Variants in PHACTR1 observed in about 807,000 individuals in gnomAD.
PHACTR1 encodes the protein RPEL repeat containing 1.
In PHACTR1, 16 loss-of-function variants were observed where a neutral mutation model predicts 69.2. The ratio of observed to expected loss-of-function variants is 0.23; its 90% CI spans 0.16 to 0.35. PHACTR1 has a LOEUF of 0.35. Among genes scored for constraint, PHACTR1 ranks in the 10% least tolerant of loss-of-function variants. PHACTR1 has a pLI of 1.00. For missense variants in PHACTR1, 510 were observed against 734.7 expected (o/e 0.69, Z 3.54); for synonymous variants, 312 against 284.5 (o/e 1.10, Z -0.97).
chr6:13,286,313 G>C (rs1044479151), intron 14 of PHACTR1, 91 bp downstream of exon 14: 20 of 1,076,930 alleles, frequency 1.9e-5, no homozygotes, highest in Non-Finnish European at 2.0e-5. Flanking sequence ...GGACATGAGT[G>C]GGTTGGAGGG....
intron 4 of PHACTR1, among the ~76,000 whole-genome samples, chr6:12,817,402 A>G (rs1421014153): frequency 6.6e-6 from 1 of 152,210 alleles, no homozygotes; most frequent in Admixed American, 6.5e-5. Flanking sequence ...GGCTTGGGAA[A>G]CCATAAGTTA....
At chr6:13,085,372 A>G (rs1007419974) in intron 5 of PHACTR1, among the ~76,000 whole-genome samples, 1 of 152,112 alleles carries the variant, frequency 6.6e-6, no homozygotes, top group African/African-American at 2.4e-5. Context: ...TGTTTATAAA[A>G]CATACTTTAA....
chr6:12,939,975 A>G (rs996271437), intron 4 of PHACTR1, among the ~76,000 whole-genome samples: 1 of 152,250 alleles, frequency 6.6e-6, no homozygotes, highest in African/African-American at 2.4e-5. Context: ...ACCCAGAGTA[A>G]CACCTTGCCA....
chr6:12,777,321 G>T (rs1197103820), intron 4 of PHACTR1, among the ~76,000 whole-genome samples: 11 of 151,494 alleles, frequency 7.3e-5, no homozygotes, highest in East Asian at 1.9e-4. Flanking sequence ...CAGGGGTTTG[G>T]TGTACAGATT....
At chr6:13,109,486 TAAG>T (rs1561842362) in intron 5 of PHACTR1, among the ~76,000 whole-genome samples, 3 of 152,150 alleles carry the variant, frequency 2.0e-5, no homozygotes, top group African/African-American at 7.2e-5. Context: ...TTATTTCTAA[TAAG>T]AAGTCAAAGA....
At chr6:13,032,803 C>T (rs1802652152) in intron 4 of PHACTR1, among the ~76,000 whole-genome samples, 1 of 152,038 alleles carries the variant, frequency 6.6e-6, no homozygotes, top group Non-Finnish European at 1.5e-5. Flanking sequence ...GAGACAGGGT[C>T]TCACCATGTT....
chr6:13,227,858 T>G lies in PHACTR1; in HGVS notation c.1029T>G (p.Ser343=). The change falls in exon 9 of 15, where the codon TCT becomes TCG. Residue 343 remains serine (S), a synonymous_variant. Transcript: ENST00000332995. ...RVPCSTSYHS[S]GLHSGDGVTK... Reference sequence around the variant, plus strand: ...CCTGTTCCACTTCTTACCACAGCTCTGGGTTGCACTCGGGTGATGGGGTCA... The same window carrying G: ...CCTGTTCCACTTCTTACCACAGCTCGGGGTTGCACTCGGGTGATGGGGTCA... 1 of 1,614,002 alleles carries G rather than the reference T, an allele frequency of 6.2e-7. No individual in the cohort carries two copies. The highest frequency in any genetic ancestry group is 8.5e-7 in the Non-Finnish European group (1 of 1,179,864).
chr6:12,765,345 AT>A (rs1345120325), intron 4 of PHACTR1, among the ~76,000 whole-genome samples: 21 of 152,192 alleles, frequency 1.4e-4, no homozygotes, highest in Non-Finnish European at 2.9e-5. Context: ...CATGAGAGAG[AT>A]TTCCTTTCCG....
At position 13,142,922 on chromosome 6, in the gene PHACTR1, A is replaced by G. The variant is rs563630679; in HGVS notation, c.416-17282A>G. 9.2e-5 allele frequency among the ~76,000 whole-genome samples: 14 copies of G among 152,344 alleles called. No individual in the cohort carries two copies. In the South Asian group the frequency reaches 2.7e-3, roughly 29 times the overall value. ...CTTGCCAAAAGAAAACTTTAGGCCCAGCTTCCTTCATTAATGAAGTCTCCC... is the reference window on the plus strand; with the variant it reads ...CTTGCCAAAAGAAAACTTTAGGCCCGGCTTCCTTCATTAATGAAGTCTCCC... On this transcript the variant is annotated intron_variant, in intron 5 of 14. Coordinates refer to ENST00000332995, the MANE Select transcript of PHACTR1 (RefSeq NM_030948.6).
At chr6:12,894,626 C>T (rs2095122) in intron 4 of PHACTR1, among the ~76,000 whole-genome samples, 130,796 of 152,224 alleles carry the variant, frequency 0.86, 56,746 homozygotes, top group East Asian at 0.99. Flanking sequence ...AAAAAAACTT[C>T]TCATTGACTT....
intron 3 of PHACTR1, among the ~76,000 whole-genome samples, chr6:12,728,306 G>C (rs1763058744): frequency 1.3e-5 from 2 of 152,104 alleles, no homozygotes; most frequent in Non-Finnish European, 2.9e-5. Context: ...AATGGAGCGA[G>C]ATTCTGTCTT....
chr6:13,022,490 T>C (rs1252957929), intron 4 of PHACTR1, among the ~76,000 whole-genome samples: 8 of 152,182 alleles, frequency 5.3e-5, no homozygotes, highest in Admixed American at 5.2e-4. Context: ...CACAAGATAC[T>C]TATACGAAAT....
intron 4 of PHACTR1, among the ~76,000 whole-genome samples, chr6:12,810,965 G>A (rs1369804671): frequency 2.6e-5 from 4 of 152,146 alleles, no homozygotes; most frequent in African/African-American, 2.4e-5. Flanking sequence ...CTTCATTGAC[G>A]CGCTTTGTGT....
chr6:13,278,418 C>T (rs1451433420), intron 12 of PHACTR1, 89 bp downstream of exon 12: 30 of 1,150,896 alleles, frequency 2.6e-5, no homozygotes, highest in Middle Eastern at 5.0e-4. Context: ...GTGGCCTCAC[C>T]GCTGCCTGGT....
At chr6:13,066,607 C>A (rs764732813) in intron 5 of PHACTR1, among the ~76,000 whole-genome samples, 4 of 152,112 alleles carry the variant, frequency 2.6e-5, no homozygotes, top group Non-Finnish European at 4.4e-5. Context: ...AAAACAGCAA[C>A]CTCTGTATTA....
intron 10 of PHACTR1, among the ~76,000 whole-genome samples, chr6:13,256,645 C>T (rs1414053791): frequency 1.1e-4 from 16 of 152,224 alleles, no homozygotes; most frequent in Admixed American, 1.0e-3. Flanking sequence ...TCATCACTCT[C>T]AAGTTCAAAG....
intron 4 of PHACTR1, among the ~76,000 whole-genome samples, chr6:12,913,377 G>T (rs1224126462): frequency 6.6e-6 from 1 of 152,196 alleles, no homozygotes; most frequent in Admixed American, 6.5e-5. Flanking sequence ...AATCCAAAGA[G>T]CCATATGACA....
chr6:12,947,382 A>G (rs548230845), intron 4 of PHACTR1, among the ~76,000 whole-genome samples: 1 of 148,752 alleles, frequency 6.7e-6, no homozygotes, highest in Non-Finnish European at 1.5e-5. Flanking sequence ...TTGCCTCATG[A>G]TTTTCACATC....
At chr6:12,905,527 G>T (rs1188215017) in intron 4 of PHACTR1, among the ~76,000 whole-genome samples, 1 of 152,126 alleles carries the variant, frequency 6.6e-6, no homozygotes, top group East Asian at 1.9e-4. Flanking sequence ...GGTCTTTGCT[G>T]TCATTTCCGG....
Sources: allele counts gnomAD v4.1 joint callset (sites outside exome capture counted in the v4.1 genomes callset), GRCh38; gene constraint gnomAD v4.1.1; transcripts MANE v1.5; gene names NCBI Gene and HGNC (gene_info 2026-07-23, HGNC 2026-07-21).